The following UNK variants were observed in gnomAD, a reference collection of about 807,000 sequenced individuals.
UNK encodes the protein RING finger protein unkempt homolog.
UNK carries 32 observed loss-of-function variants against 97.6 expected under a neutral mutation model. The observed-to-expected ratio is 0.33, with a 90% CI of 0.25 to 0.44. The LOEUF (loss-of-function observed/expected upper bound fraction) is 0.44. Ranked by LOEUF, UNK falls within the 20% of genes least tolerant of loss-of-function variation. UNK has a pLI of 1.00. For missense variants in UNK, 771 were observed against 1,098.4 expected, an observed-to-expected ratio of 0.70 and a Z score of 4.21; for synonymous variants, 441 against 461.2, an observed-to-expected ratio of 0.96 and a Z score of 0.56.
intron 2 of UNK, among the ~76,000 whole-genome samples, chr17:75,811,525 A>G (rs896897046): frequency 6.6e-6 from 1 of 152,216 alleles, no homozygotes; most frequent in East Asian, 1.9e-4. Context: ...GACGGCCCCC[A>G]AGCCTGGGCA....
chr17:75,793,654 C>T, intron 1 of UNK: 1 of 985,354 alleles, frequency 1.0e-6, no homozygotes, highest in Non-Finnish European at 1.2e-6. Flanking sequence ...ACTGTTTCCT[C>T]CCCTTCCTTA....
Position 75,817,456 on chromosome 17 carries a change from A to G in UNK, c.1235A>G (p.Tyr412Cys), listed in dbSNP as rs563724669. 71 of 1,613,222 alleles carry G rather than the reference A, an allele frequency of 4.4e-5. No homozygotes were observed. The East Asian group carries it at 1.6e-3, about 35-fold the overall frequency. ...GAGTCTGGCCTGGCCCCTGGCAGCT[A>G]TAAGAAGGCTCCCGGCTTCGAGAGG... ...PGESGLAPGS[Y>C]KKAPGFERED... Residue 412 changes from tyrosine to cysteine, a missense_variant, in exon 9 of 16, where the codon TAT becomes TGT. Physicochemically the swap from Tyr to Cys is radical, Grantham distance 194 (BLOSUM62 -2). Transcript: ENST00000589666. The surrounding 1 kb of genome is among the most constrained non-coding windows in gnomAD (Gnocchi z 5.8).
Position 75,818,012 on chromosome 17 carries a change from C to A in UNK, c.1306-91C>A. 1 of 1,307,180 alleles carries A rather than the reference C, an allele frequency of 7.7e-7. No homozygotes were observed. Among genetic ancestry groups the A allele is most frequent in the Non-Finnish European group, 1.1e-6 (1 of 911,868 alleles). 81.0% of individuals were successfully genotyped at this position (1,307,180 alleles called of 1,614,324 possible). A position where few individuals can be genotyped will look rare whatever the true frequency, so the allele number is the denominator to read the frequency against. Reference sequence around the variant, plus strand: ...AAGAGGGGTTGCATGTCTGCCACCACCTGCCCCCTGGTACCTGCAGCCTCA... The same window carrying A: ...AAGAGGGGTTGCATGTCTGCCACCAACTGCCCCCTGGTACCTGCAGCCTCA... On this transcript the variant is annotated intron_variant, in intron 9 of 15. Coordinates refer to ENST00000589666, the MANE Select transcript of UNK (RefSeq NM_001080419.3). The surrounding 1 kb of genome is among the most constrained non-coding windows in gnomAD (Gnocchi z 5.1).
intron 1 of UNK, among the ~76,000 whole-genome samples, chr17:75,805,052 G>T (rs868140658): frequency 6.6e-6 from 1 of 150,794 alleles, no homozygotes; most frequent in East Asian, 2.0e-4. Flanking sequence ...GTGGTGGCAG[G>T]CGCCTGTAAT....
intron 1 of UNK, among the ~76,000 whole-genome samples, chr17:75,807,700 G>C (rs376684497): frequency 6.6e-6 from 1 of 152,122 alleles, no homozygotes; most frequent in Non-Finnish European, 1.5e-5. Flanking sequence ...TGATCTGCCC[G>C]TCTTAGCCTC....
intron 1 of UNK, chr17:75,785,301 T>G (rs1427463003): frequency 1.5e-5 from 4 of 274,682 alleles, no homozygotes; most frequent in Middle Eastern, 1.1e-3. Context: ...ACCACAGTAG[T>G]AGGCTCCTTT....
intron 1 of UNK, among the ~76,000 whole-genome samples, chr17:75,809,230 C>T (rs747301765): frequency 6.6e-6 from 1 of 152,126 alleles, no homozygotes; most frequent in Non-Finnish European, 1.5e-5. Context: ...TCAGTAGTCC[C>T]GAGGGATGCC....
chr17:75,788,998 C>A (rs2061738662), intron 1 of UNK, among the ~76,000 whole-genome samples: 1 of 152,198 alleles, frequency 6.6e-6, no homozygotes, highest in South Asian at 2.1e-4. Context: ...CATTGGTTTC[C>A]CTTTCTTGCC....
intron 1 of UNK, among the ~76,000 whole-genome samples, chr17:75,800,133 A>G (rs1048319738): frequency 6.6e-6 from 1 of 152,098 alleles, no homozygotes; most frequent in African/African-American, 2.4e-5. Context: ...CAGTGGCACA[A>G]TCTTGGCTCA....
intron 1 of UNK, among the ~76,000 whole-genome samples, chr17:75,803,427 T>C (rs2061882151): frequency 6.6e-6 from 1 of 152,168 alleles, no homozygotes; most frequent in African/African-American, 2.4e-5. Context: ...CATGTGGTTT[T>C]TCCTGGCTGT....
chr17:75,812,933 AG>A, intron 4 of UNK, 144 bp from the exon 5 acceptor site: 1 of 1,214,636 alleles, frequency 8.2e-7, no homozygotes, highest in Non-Finnish European at 1.1e-6. Context: ...ATGGCCTGGG[AG>A]GAGGGGCCCT....
intron 7 of UNK, 130 bp downstream of exon 7, chr17:75,815,383 G>T: frequency 1.2e-6 from 1 of 807,274 alleles, no homozygotes; most frequent in East Asian, 2.6e-5. Flanking sequence ...CCAGCAGCAG[G>T]CCTTGTCCCC....
At chr17:75,795,767 T>C (rs539015888) in intron 1 of UNK, among the ~76,000 whole-genome samples, 3 of 152,296 alleles carry the variant, frequency 2.0e-5, no homozygotes, top group East Asian at 3.9e-4. Context: ...TTCCTCAGTT[T>C]CACCAGCTCT....
intron 5 of UNK, 25 bp downstream of exon 5, chr17:75,813,238 CA>C: frequency 1.3e-6 from 2 of 1,559,582 alleles, no homozygotes; most frequent in South Asian, 2.4e-5. Context: ...GGAGGCCAGC[CA>C]CGGGAGGGAG....
chr17:75,817,965 AGGG>A lies in UNK; in HGVS notation c.1306-135_1306-133del, dbSNP rs1295899293. The A allele has an allele frequency of 1.3e-6, 1 of 782,924 alleles. No homozygotes were observed. Among genetic ancestry groups the A allele is most frequent in the African/African-American group, 1.7e-5 (1 of 58,600 alleles). 48.5% of individuals were successfully genotyped at this position (782,924 alleles called of 1,614,324 possible). A position where few individuals can be genotyped will look rare whatever the true frequency, so the allele number is the denominator to read the frequency against. On this transcript the variant is annotated intron_variant, in intron 9 of 15. Transcript: ENST00000589666. The surrounding 1 kb of genome is among the most constrained non-coding windows in gnomAD (Gnocchi z 5.8). ...AGGGAGTAGGGGGTGGGGAGGAAGA[AGGG>A]GGTGTGTGCATGCATGTGAAGAGGG...
At chr17:75,798,924 A>G (rs1280104144) in intron 1 of UNK, among the ~76,000 whole-genome samples, 1 of 151,912 alleles carries the variant, frequency 6.6e-6, no homozygotes, top group Non-Finnish European at 1.5e-5. Context: ...AAAATTAGCC[A>G]GGCGTGGTGG....
At chr17:75,789,583 G>A (rs1241441865) in intron 1 of UNK, among the ~76,000 whole-genome samples, 2 of 152,044 alleles carry the variant, frequency 1.3e-5, no homozygotes, top group Non-Finnish European at 2.9e-5. Context: ...TGATCTGCCC[G>A]TCTCGGCCTC....
intron 1 of UNK, chr17:75,791,870 A>G: frequency 2.0e-6 from 2 of 985,340 alleles, no homozygotes; most frequent in Non-Finnish European, 1.2e-6. Context: ...CAGCTGGACA[A>G]CTCTGAGAGC....
rs746771801 is a variant in UNK, at chr17:75,819,000, G to A, written c.1546+184G>A. On this transcript the variant is annotated intron_variant, in intron 11 of 15. Coordinates refer to ENST00000589666, the MANE Select transcript of UNK (RefSeq NM_001080419.3). This position sits in a 1 kb window ranked among gnomAD's most constrained non-coding sequence, Gnocchi z 5.1. ...AAATGACCCCAAGGTGTAGGGCCAG[G>A]ACTGACCCTTAGAGCTCCTTTGTGC... is the stretch of plus-strand genomic sequence containing the variant. The A allele has an allele frequency of 2.3e-5, 15 of 664,912 alleles. No homozygotes were observed. Among genetic ancestry groups the A allele is most frequent in the Non-Finnish European group, 3.1e-5 (13 of 420,838 alleles). The allele number at this position is 664,912 out of a possible 1,614,324, so 41.2% of individuals were successfully genotyped here.
Sources: allele counts gnomAD v4.1 joint callset (sites outside exome capture counted in the v4.1 genomes callset), GRCh38; gene constraint gnomAD v4.1.1; non-coding constraint Gnocchi (gnomAD v3.1); transcripts MANE v1.5; gene names NCBI Gene and HGNC (gene_info 2026-07-23, HGNC 2026-07-21).